PHACTR1: variants seen among roughly 807,000 people sequenced by gnomAD.
PHACTR1 encodes phosphatase and actin regulator 1, also known as RPEL repeat containing 1.
In PHACTR1, 16 loss-of-function variants were observed where a neutral mutation model predicts 69.2. The ratio of observed to expected loss-of-function variants is 0.23; its 90% CI spans 0.16 to 0.35. PHACTR1 has a LOEUF of 0.35. Among genes scored for constraint, PHACTR1 ranks in the 10% least tolerant of loss-of-function variants. The pLI, the probability that PHACTR1 is intolerant of heterozygous loss-of-function variation, is 1.00. For missense variants in PHACTR1, 510 were observed against 734.7 expected, an observed-to-expected ratio of 0.69 and a Z score of 3.54; for synonymous variants, 312 against 284.5, an observed-to-expected ratio of 1.10 and a Z score of -0.97.
At chr6:13,008,067 G>A (rs570575092) in intron 4 of PHACTR1, among the ~76,000 whole-genome samples, 1 of 152,244 alleles carries the variant, frequency 6.6e-6, no homozygotes, top group South Asian at 2.1e-4. Flanking sequence ...GTTTCAACTA[G>A]ATTGTTTTAT....
intron 5 of PHACTR1, among the ~76,000 whole-genome samples, chr6:13,144,772 G>GAA (rs11326657): frequency 5.4e-5 from 1 of 18,610 alleles, no homozygotes; most frequent in African/African-American, 9.4e-5. Flanking sequence ...CCCTGTCTCA[G>GAA]AAAAAAAAAA....
intron 4 of PHACTR1, among the ~76,000 whole-genome samples, chr6:12,814,973 T>C (rs1256219961): frequency 1.3e-5 from 2 of 152,224 alleles, no homozygotes; most frequent in Admixed American, 6.5e-5. Flanking sequence ...TGAAGACTAA[T>C]TTTGAGCTTC....
intron 4 of PHACTR1, among the ~76,000 whole-genome samples, chr6:13,011,374 A>G (rs1799429632): frequency 6.6e-6 from 1 of 152,206 alleles, no homozygotes; most frequent in Non-Finnish European, 1.5e-5. Flanking sequence ...AGAGGCTGCA[A>G]ACTCAGGGAG....
intron 4 of PHACTR1, among the ~76,000 whole-genome samples, chr6:12,978,295 G>A (rs1469219825): frequency 6.6e-6 from 1 of 152,140 alleles, no homozygotes; most frequent in Non-Finnish European, 1.5e-5. Flanking sequence ...ATCATCTTAA[G>A]AATAATCACT....
chr6:12,976,345 A>T (rs186243735), intron 4 of PHACTR1, among the ~76,000 whole-genome samples: 18 of 152,344 alleles, frequency 1.2e-4, no homozygotes, highest in African/African-American at 4.1e-4. Context: ...GGTTTGACTT[A>T]TGTGTAACCT....
intron 13 of PHACTR1, among the ~76,000 whole-genome samples, chr6:13,285,242 T>A (rs916044403): frequency 1.3e-5 from 2 of 152,128 alleles, no homozygotes; most frequent in African/African-American, 4.8e-5. Flanking sequence ...AAGCATGGGG[T>A]GACCCCTGCC....
intron 4 of PHACTR1, among the ~76,000 whole-genome samples, chr6:12,978,585 G>T (rs1486577808): frequency 2.0e-5 from 3 of 152,092 alleles, no homozygotes; most frequent in Non-Finnish European, 2.9e-5. Context: ...TTCCCTCCCC[G>T]CACCCTGTGT....
At chr6:13,115,719 T>TG (rs1463746492) in intron 5 of PHACTR1, among the ~76,000 whole-genome samples, 4 of 152,098 alleles carry the variant, frequency 2.6e-5, no homozygotes, top group Non-Finnish European at 4.4e-5. Context: ...ATAAAGGGCT[T>TG]GGGGCAGATA....
chr6:12,808,808 T>G (rs1165111959), intron 4 of PHACTR1, among the ~76,000 whole-genome samples: 1 of 151,816 alleles, frequency 6.6e-6, no homozygotes, highest in Non-Finnish European at 1.5e-5. Context: ...TTCTCCTTCT[T>G]CTCCTTCTTA....
At chr6:13,197,812 G>T (rs1266749338) in intron 7 of PHACTR1, among the ~76,000 whole-genome samples, 1 of 152,188 alleles carries the variant, frequency 6.6e-6, no homozygotes, top group Non-Finnish European at 1.5e-5. Context: ...GCAGTGCTGG[G>T]ATAATCTCCT....
intron 4 of PHACTR1, among the ~76,000 whole-genome samples, chr6:13,004,023 A>T (rs559112145): frequency 7.0e-6 from 1 of 141,900 alleles, no homozygotes; most frequent in East Asian, 2.0e-4. Flanking sequence ...TCATCTGTTG[A>T]TGAACATTTA....
intron 8 of PHACTR1, among the ~76,000 whole-genome samples, chr6:13,217,261 A>G (rs1194708641): frequency 1.3e-5 from 2 of 152,208 alleles, no homozygotes; most frequent in Non-Finnish European, 2.9e-5. Flanking sequence ...GTGGGCACCT[A>G]GGTTTCTCCA....
chr6:13,261,243 G>A (rs535834982), intron 10 of PHACTR1, among the ~76,000 whole-genome samples: 7 of 152,314 alleles, frequency 4.6e-5, no homozygotes, highest in Admixed American at 2.0e-4. Flanking sequence ...AGAGGCTGGC[G>A]TAGGAGGACA....
chr6:13,190,860 C>T (rs373968343), intron 7 of PHACTR1, among the ~76,000 whole-genome samples: 46 of 144,242 alleles, frequency 3.2e-4, no homozygotes, highest in African/African-American at 1.1e-3. Flanking sequence ...CCAAAGTATT[C>T]GCTACTACAA....
intron 4 of PHACTR1, among the ~76,000 whole-genome samples, chr6:12,954,339 A>G (rs1791632419): frequency 6.6e-6 from 1 of 151,570 alleles, no homozygotes; most frequent in African/African-American, 2.4e-5. Flanking sequence ...TTAAGCTGAG[A>G]AGCTATATGA....
At chr6:13,129,241 A>G (rs1300512207) in intron 5 of PHACTR1, among the ~76,000 whole-genome samples, 1 of 152,126 alleles carries the variant, frequency 6.6e-6, no homozygotes, top group East Asian at 1.9e-4. Context: ...AAACAATAAC[A>G]CAGTGGAAAA....
intron 4 of PHACTR1, among the ~76,000 whole-genome samples, chr6:12,929,082 T>A (rs141458294): frequency 6.6e-6 from 1 of 152,296 alleles, no homozygotes; most frequent in Non-Finnish European, 1.5e-5. Context: ...GAGTTCATGT[T>A]CCACCCTTTA....
intron 5 of PHACTR1, among the ~76,000 whole-genome samples, chr6:13,140,500 C>A (rs1583546275): frequency 6.6e-6 from 1 of 152,064 alleles, no homozygotes; most frequent in Non-Finnish European, 1.5e-5. Context: ...GGATGACCCT[C>A]GAGGACATTG....
At chr6:12,749,423 C>A in intron 3 of PHACTR1, 1 of 622,248 alleles carries the variant, frequency 1.6e-6, no homozygotes. Flanking sequence ...AGATCCTTAA[C>A]GGATTTTCTT....
Sources: gnomAD v4.1 joint callset for allele counts (sites outside exome capture counted in the v4.1 genomes callset) on GRCh38, gnomAD v4.1.1 for gene constraint, MANE v1.5 for transcripts, NCBI Gene and HGNC (gene_info 2026-07-23, HGNC 2026-07-21) for gene names.